The following EPB41L3 variants were observed in gnomAD, a reference collection of about 807,000 sequenced individuals.
The protein encoded by EPB41L3 is erythrocyte membrane protein band 4.1 like 3.
EPB41L3 carries 57 observed loss-of-function variants against 127.1 expected under a neutral mutation model. The observed-to-expected ratio is 0.45, with a 90% CI of 0.36 to 0.56. The LOEUF (loss-of-function observed/expected upper bound fraction) is 0.56, where lower values mean the gene tolerates loss of function less well. EPB41L3 is among the 20% of genes least tolerant of loss of function. EPB41L3 has a pLI of 0.00. For missense variants in EPB41L3, 1,273 were observed against 1,372.2 expected, an observed-to-expected ratio of 0.93 and a Z score of 1.14; for synonymous variants, 572 against 549.5, an observed-to-expected ratio of 1.04 and a Z score of -0.57.
intron 3 of EPB41L3, among the ~76,000 whole-genome samples, chr18:5,584,576 C>A (rs2094426271): frequency 6.6e-6 from 1 of 152,042 alleles, no homozygotes; most frequent in Middle Eastern, 3.2e-3. Flanking sequence ...TACCCATTGA[C>A]AAAAATTATC....
chr18:5,485,314 A>G (rs1422318176), intron 2 of EPB41L3, among the ~76,000 whole-genome samples: 1 of 151,998 alleles, frequency 6.6e-6, no homozygotes. Flanking sequence ...ATGATTAAAA[A>G]TCCTCATCAA....
At position 5,489,107 on chromosome 18, in the gene EPB41L3, T is replaced by TGCGCCCCC; in HGVS notation, c.69_76dup (p.Gln26ArgfsTer60). 6.3e-7 allele frequency: 1 copy of TGCGCCCCC among 1,595,936 alleles called. No homozygotes were observed. Among genetic ancestry groups the TGCGCCCCC allele is most frequent in the Non-Finnish European group, 8.5e-7 (1 of 1,175,006 alleles). ...CGGCACGGGCGCCCCCGCGCGCCCC[T>TGCGCCCCC]GCGCCCCCGCCGCCTCCTGGGGCTC... On this transcript the variant is annotated frameshift_variant, in exon 2 of 23. Coordinates refer to ENST00000341928, the MANE Select transcript of EPB41L3 (RefSeq NM_012307.5). LOFTEE classifies it high-confidence loss of function.
rs138485451 is a variant in EPB41L3, at chr18:5,493,557, A to T, written c.-11-4363T>A. The stretch of plus-strand genomic sequence containing the variant: ...TAATATTCTTTGGCCCTTCTACTGA[A>T]TTTTTTCTATTTGCATGAAAAAAAA... On this transcript the variant is annotated intron_variant, in intron 1 of 22. Transcript: ENST00000341928. 4.9e-3 allele frequency among the ~76,000 whole-genome samples: 742 copies of T among 150,070 alleles called. 7 individuals carry two copies. The highest frequency in any genetic ancestry group is 0.017 in the African/African-American group (704 of 40,850).
intron 3 of EPB41L3, among the ~76,000 whole-genome samples, chr18:5,554,108 A>G (rs1813642518): frequency 6.6e-6 from 1 of 152,174 alleles, no homozygotes; most frequent in Admixed American, 6.5e-5. Flanking sequence ...CACCTTAAAT[A>G]TACACAGTAA....
intron 3 of EPB41L3, among the ~76,000 whole-genome samples, chr18:5,572,717 G>A (rs2094296124): frequency 6.6e-6 from 1 of 152,124 alleles, no homozygotes; most frequent in Admixed American, 6.5e-5. Context: ...GGGAATACAG[G>A]TGGACACCAC....
intron 1 of EPB41L3, among the ~76,000 whole-genome samples, chr18:5,530,083 C>A (rs1053683980): frequency 6.6e-6 from 1 of 152,150 alleles, no homozygotes; most frequent in African/African-American, 2.4e-5. Flanking sequence ...TTTTCTCCAT[C>A]TCTTCTACCA....
At chr18:5,463,461 C>T (rs2084390848) in intron 3 of EPB41L3, among the ~76,000 whole-genome samples, 1 of 152,228 alleles carries the variant, frequency 6.6e-6, no homozygotes, top group East Asian at 1.9e-4. Flanking sequence ...ATTATCCATG[C>T]GGGTTTGACC....
intron 1 of EPB41L3, among the ~76,000 whole-genome samples, chr18:5,527,109 GGAAGT>G (rs2093250675): frequency 6.6e-6 from 1 of 151,920 alleles, no homozygotes; most frequent in African/African-American, 2.4e-5. Flanking sequence ...TTAACAACGT[GGAAGT>G]GTTCATTCTT....
intron 1 of EPB41L3, among the ~76,000 whole-genome samples, chr18:5,538,380 A>G (rs1042748511): frequency 6.6e-6 from 1 of 152,218 alleles, no homozygotes; most frequent in Non-Finnish European, 1.5e-5. Flanking sequence ...ATGCATATTC[A>G]CAAACAATGA....
At chr18:5,418,954 G>A (rs568809780) in intron 12 of EPB41L3, among the ~76,000 whole-genome samples, 2 of 152,238 alleles carry the variant, frequency 1.3e-5, no homozygotes, top group South Asian at 4.2e-4. Flanking sequence ...TACAGGCCAG[G>A]AGCCACTCTG....
In EPB41L3 at chr18:5,518,358, C is replaced by T. The variant is rs140370019; in HGVS notation, c.-12+25555G>A. Among the ~76,000 whole-genome samples the T allele has an allele frequency of 3.5e-4, 54 of 152,252 alleles. No homozygotes were observed. The East Asian group carries it at 0.01, about 28-fold the overall frequency. On this transcript the variant is annotated intron_variant, in intron 1 of 22. Coordinates refer to ENST00000341928, the MANE Select transcript of EPB41L3 (RefSeq NM_012307.5). ...CTCCCACCCCGTGTACTCCCTCACACGCCCTTCAGGACAGTGTTCAAATGC... is the reference window on the plus strand; with the variant it reads ...CTCCCACCCCGTGTACTCCCTCACATGCCCTTCAGGACAGTGTTCAAATGC...
At position 5,551,288 on chromosome 18, in the gene EPB41L3, C is replaced by T. The variant is rs149857359; in HGVS notation, c.-306+61052G>A. Among the ~76,000 whole-genome samples the T allele has an allele frequency of 3.8e-3, 580 of 152,266 alleles. 3 individuals carry two copies. The highest frequency in any genetic ancestry group is 7.1e-3 in the Non-Finnish European group (481 of 68,020). ...GTAATATCTGAAAATCGTTGTATAA[C>T]CTTCAGCAAATTTCCACTTCTCTTG... On this transcript the variant is annotated intron_variant, in intron 3 of 21. Coordinates refer to the EPB41L3 transcript ENST00000545076.
chr18:5,488,870 C>T (rs2090220611), intron 2 of EPB41L3, 131 bp downstream of exon 2: 2 of 998,152 alleles, frequency 2.0e-6, no homozygotes, highest in African/African-American at 1.7e-5. Flanking sequence ...ACATTTTCAT[C>T]TGCCTGGGGC....
intron 18 of EPB41L3, 108 bp downstream of exon 18, chr18:5,396,950 G>T: frequency 8.5e-7 from 1 of 1,171,516 alleles, no homozygotes; most frequent in Non-Finnish European, 1.2e-6. Flanking sequence ...ACTATACATG[G>T]GAGAGGCAGA....
intron 2 of EPB41L3, among the ~76,000 whole-genome samples, chr18:5,478,845 T>G (rs2087790427): frequency 6.6e-6 from 1 of 152,230 alleles, no homozygotes; most frequent in African/African-American, 2.4e-5. Flanking sequence ...CAACTTGTTA[T>G]ACAGCTGCCT....
At chr18:5,545,368 T>C (rs1424664533), upstream of EPB41L3, among the ~76,000 whole-genome samples, 2 of 152,162 alleles carry the variant, frequency 1.3e-5, no homozygotes, top group Non-Finnish European at 2.9e-5. Context: ...GAAAGATTAG[T>C]GGGCCTGATC....
At position 5,513,222 on chromosome 18, in the gene EPB41L3, CA is replaced by C. The variant is rs1269510873; in HGVS notation, c.-11-24029del. On this transcript the variant is annotated intron_variant, in intron 1 of 22. Transcript: ENST00000341928. ...AACAACAGTGCACACATAGCTCATG[CA>C]AGAAGTGAATTTGCTCTTTGAAGCC... Among the ~76,000 whole-genome samples, 22 of 152,276 alleles carry C rather than the reference CA, an allele frequency of 1.4e-4. 1 individual carries two copies. In the South Asian group the frequency reaches 4.6e-3, roughly 32 times the overall value.
intron 5 of EPB41L3, among the ~76,000 whole-genome samples, chr18:5,438,787 A>G (rs1463332864): frequency 6.6e-6 from 1 of 152,114 alleles, no homozygotes; most frequent in Non-Finnish European, 1.5e-5. Flanking sequence ...ATGCTTTGCA[A>G]TCTTTATCCT....
At chr18:5,424,385 A>T (rs757702218) in intron 9 of EPB41L3, 26 bp from the exon 10 acceptor site, 8 of 1,530,832 alleles carry the variant, frequency 5.2e-6, no homozygotes, top group Non-Finnish European at 6.2e-6. Flanking sequence ...TACATTGAAG[A>T]GTAAAGTTTA....
Sources: gnomAD v4.1 joint callset for allele counts (sites outside exome capture counted in the v4.1 genomes callset) on GRCh38, gnomAD v4.1.1 for gene constraint, MANE v1.5 for transcripts, NCBI Gene and HGNC (gene_info 2026-07-23, HGNC 2026-07-21) for gene names.